Variants in SESTD1 observed in about 807,000 individuals in gnomAD.
SESTD1 encodes SEC14 domain and spectrin repeat-containing protein 1.
Under a neutral mutation model 101.7 loss-of-function variants are expected in SESTD1, and 43 were observed. That is an observed-to-expected ratio of 0.42 (90% CI 0.33 to 0.55). SESTD1 has a LOEUF of 0.55. SESTD1 is among the 20% of genes least tolerant of loss of function. SESTD1 has a pLI of 0.07. For missense variants in SESTD1, 647 were observed against 815.1 expected (o/e 0.79, Z 2.51); for synonymous variants, 283 against 286.8 (o/e 0.99, Z 0.13).
intron 9 of SESTD1, among the ~76,000 whole-genome samples, chr2:179,141,033 C>G (rs1354465940): frequency 2.6e-5 from 4 of 152,162 alleles, no homozygotes. Flanking sequence ...ACTTTCTCTT[C>G]GGACAATTTT....
chr2:179,248,820 C>T (rs1219619389), intron 1 of SESTD1, among the ~76,000 whole-genome samples: 2 of 151,552 alleles, frequency 1.3e-5, no homozygotes, highest in Non-Finnish European at 2.9e-5. Flanking sequence ...GTGGCTCAGA[C>T]TTATAATCTC....
intron 1 of SESTD1, among the ~76,000 whole-genome samples, chr2:179,259,860 C>T (rs890908287): frequency 6.6e-6 from 1 of 152,218 alleles, no homozygotes; most frequent in African/African-American, 2.4e-5. Context: ...ACAAGGCTAA[C>T]AAGTGACAAC....
At chr2:179,254,065 A>C (rs1235625810) in intron 1 of SESTD1, among the ~76,000 whole-genome samples, 1 of 152,096 alleles carries the variant, frequency 6.6e-6, no homozygotes, top group Non-Finnish European at 1.5e-5. Flanking sequence ...GTACCACTGC[A>C]CTTCAGCCTG....
In SESTD1 at chr2:179,107,375, T is replaced by C. The variant is rs1221678607; in HGVS notation, c.*2524A>G. 6.6e-6 allele frequency: 1 copy of C among 152,190 alleles called. No individual in the cohort carries two copies. The highest frequency in any genetic ancestry group is 1.5e-5 in the Non-Finnish European group (1 of 68,016). 9.4% of individuals were successfully genotyped at this position (152,190 alleles called of 1,614,324 possible). Reference sequence around the variant, plus strand: ...CAAGTAACATTTATGAATCCTGCCTTATTTTACTTTTTGTAGGCAAGATAG... The same window carrying C: ...CAAGTAACATTTATGAATCCTGCCTCATTTTACTTTTTGTAGGCAAGATAG... On this transcript the variant is annotated 3_prime_UTR_variant, in exon 18 of 18. Coordinates refer to ENST00000428443, the MANE Select transcript of SESTD1 (RefSeq NM_178123.5).
At chr2:179,224,115 G>A (rs1188802864) in intron 1 of SESTD1, among the ~76,000 whole-genome samples, 1 of 152,102 alleles carries the variant, frequency 6.6e-6, no homozygotes, top group African/African-American at 2.4e-5. Context: ...AAATCACTTT[G>A]AAACATGGCC....
chr2:179,103,126 T>C lies in SESTD1; in HGVS notation c.*6773A>G, dbSNP rs2044307875. On this transcript the variant is annotated 3_prime_UTR_variant, in exon 18 of 18. Coordinates refer to ENST00000428443, the MANE Select transcript of SESTD1 (RefSeq NM_178123.5). Reference sequence around the variant, plus strand: ...GTTTCTTCTAGCTAACATATCACCATGGTTGGGCTTTAACCTTTCAAGGAG... The same window carrying C: ...GTTTCTTCTAGCTAACATATCACCACGGTTGGGCTTTAACCTTTCAAGGAG... 1 of 152,160 alleles carries C rather than the reference T, an allele frequency of 6.6e-6. No homozygotes were observed. Among genetic ancestry groups the C allele is most frequent in the Non-Finnish European group, 1.5e-5 (1 of 68,022 alleles). The allele number at this position is 152,160 out of a possible 1,614,324, so 9.4% of individuals were successfully genotyped here. A position where few individuals can be genotyped will look rare whatever the true frequency, so the allele number is the denominator to read the frequency against.
intron 9 of SESTD1, among the ~76,000 whole-genome samples, chr2:179,137,886 C>T (rs1339727119): frequency 6.6e-6 from 1 of 152,150 alleles, no homozygotes; most frequent in Non-Finnish European, 1.5e-5. Context: ...AAAATTTTCA[C>T]ATTTTCATCA....
At chr2:179,162,813 C>T (rs1463453389) in intron 5 of SESTD1, among the ~76,000 whole-genome samples, 65 of 111,224 alleles carry the variant, frequency 5.8e-4, no homozygotes, top group African/African-American at 2.2e-3. Flanking sequence ...GGTGAAACCT[C>T]GTCTCTAGTA....
rs1261656030 is a variant in SESTD1, at chr2:179,210,197, A to G, written c.-25-18331T>C. 3.0e-5 allele frequency among the ~76,000 whole-genome samples: 4 copies of G among 134,698 alleles called. 1 individual carries two copies. Among genetic ancestry groups the G allele is most frequent in the African/African-American group, 1.2e-4 (4 of 34,038 alleles). The allele number at this position is 134,698 out of a possible 152,430, so 88.4% of individuals were successfully genotyped here. A position where few individuals can be genotyped will look rare whatever the true frequency, so the allele number is the denominator to read the frequency against. ...AGTAGTAAGATTGAAACAGTAATTT[A>G]AAAATTCCAACGAAAGAAGTTGAGG... On this transcript the variant is annotated intron_variant, in intron 1 of 17. Coordinates refer to ENST00000428443, the MANE Select transcript of SESTD1 (RefSeq NM_178123.5).
At chr2:179,170,419 A>G (rs1027852955) in intron 5 of SESTD1, among the ~76,000 whole-genome samples, 1 of 152,162 alleles carries the variant, frequency 6.6e-6, no homozygotes, top group African/African-American at 2.4e-5. Context: ...TAGGTAAGAG[A>G]TTTAAACTGA....
At position 179,204,211 on chromosome 2, in the gene SESTD1, A is replaced by G. The variant is rs1265181861; in HGVS notation, c.-25-12345T>C. Among the ~76,000 whole-genome samples, 3 of 134,882 alleles carry G rather than the reference A, an allele frequency of 2.2e-5. 1 individual carries two copies. Among genetic ancestry groups the G allele is most frequent in the African/African-American group, 8.8e-5 (3 of 34,022 alleles). 88.5% of individuals were successfully genotyped at this position (134,882 alleles called of 152,430 possible). A position where few individuals can be genotyped will look rare whatever the true frequency, so the allele number is the denominator to read the frequency against. ...CCTTTTAATTATCAGACCAAGAGAGACACTAAAATGAGACCACAATCATGC... is the reference window on the plus strand; with the variant it reads ...CCTTTTAATTATCAGACCAAGAGAGGCACTAAAATGAGACCACAATCATGC... On this transcript the variant is annotated intron_variant, in intron 1 of 17. Transcript: ENST00000428443.
rs1433322313 is a variant in SESTD1, at chr2:179,210,210, A to G, written c.-25-18344T>C. 2.2e-5 allele frequency among the ~76,000 whole-genome samples: 3 copies of G among 134,766 alleles called. 1 individual carries two copies. The highest frequency in any genetic ancestry group is 8.8e-5 in the African/African-American group (3 of 34,092). The allele number at this position is 134,766 out of a possible 152,430, so 88.4% of individuals were successfully genotyped here. On this transcript the variant is annotated intron_variant, in intron 1 of 17. Coordinates refer to ENST00000428443, the MANE Select transcript of SESTD1 (RefSeq NM_178123.5). ...AAACAGTAATTTAAAAATTCCAACG[A>G]AAGAAGTTGAGGACTAGATGGATTC...
intron 11 of SESTD1, among the ~76,000 whole-genome samples, chr2:179,124,128 TCTA>T (rs950072985): frequency 6.6e-6 from 1 of 152,102 alleles, no homozygotes; most frequent in African/African-American, 2.4e-5. Context: ...AATAAAATAT[TCTA>T]CTAGATTGGA....
intron 2 of SESTD1, among the ~76,000 whole-genome samples, chr2:179,191,130 G>A (rs1490997): frequency 0.092 from 13,947 of 152,136 alleles, 2,111 homozygotes; most frequent in African/African-American, 0.32. Flanking sequence ...GCATTCATAC[G>A]TTCCTTGCAG....
intron 2 of SESTD1, among the ~76,000 whole-genome samples, chr2:179,186,548 A>G (rs1477556360): frequency 6.6e-6 from 1 of 152,172 alleles, no homozygotes; most frequent in Non-Finnish European, 1.5e-5. Flanking sequence ...TTCAGAAACA[A>G]TTATTTGGAT....
At position 179,105,243 on chromosome 2, in the gene SESTD1, C is replaced by T. The variant is rs1358371713; in HGVS notation, c.*4656G>A. 1 of 145,602 alleles carries T rather than the reference C, an allele frequency of 6.9e-6. No individual in the cohort carries two copies. The highest frequency in any genetic ancestry group is 1.5e-5 in the Non-Finnish European group (1 of 66,422). 9.0% of individuals were successfully genotyped at this position (145,602 alleles called of 1,614,324 possible). ...TAACAGATTTATGCTGTTGTTGTTT[C>T]TACTGGTCGGTGCTCGCTCACTAAT... On this transcript the variant is annotated 3_prime_UTR_variant, in exon 18 of 18. Transcript: ENST00000428443.
At chr2:179,167,047 C>A (rs1213433280) in intron 5 of SESTD1, among the ~76,000 whole-genome samples, 1 of 152,194 alleles carries the variant, frequency 6.6e-6, no homozygotes. Context: ...AAATGACCCA[C>A]TGTCAAGAAA....
chr2:179,223,563 T>C (rs1219116716), intron 1 of SESTD1, among the ~76,000 whole-genome samples: 1 of 151,248 alleles, frequency 6.6e-6, no homozygotes. Context: ...AAAAAAAAAG[T>C]AAGCAATATT....
intron 1 of SESTD1, among the ~76,000 whole-genome samples, chr2:179,231,746 A>G (rs189348730): frequency 6.6e-6 from 1 of 150,576 alleles, no homozygotes; most frequent in Admixed American, 6.6e-5. Flanking sequence ...TAAAAAATTT[A>G]AAAAAAAAGG....
Sources: gnomAD v4.1 joint callset for allele counts (sites outside exome capture counted in the v4.1 genomes callset) on GRCh38, gnomAD v4.1.1 for gene constraint, MANE v1.5 for transcripts, NCBI Gene and HGNC (gene_info 2026-07-23, HGNC 2026-07-21) for gene names.